Variants in FGGY observed in about 807,000 individuals in gnomAD.
FGGY encodes FGGY carbohydrate kinase domain containing.
A neutral mutation model predicts 71.3 loss-of-function variants in FGGY; 72 were observed. That is an observed-to-expected ratio of 1.01 (90% confidence interval 0.84 to 1.23). FGGY has a LOEUF of 1.23. Ranked by LOEUF, FGGY falls within the 50% of genes most tolerant of loss-of-function variation. The pLI, the probability that FGGY is intolerant of heterozygous loss-of-function variation, is 0.00. For synonymous variants in FGGY, 251 were observed against 250.3 expected (o/e 1.00, Z -0.02); for missense variants, 668 against 682.3 (o/e 0.98, Z 0.23).
intron 14 of FGGY, among the ~76,000 whole-genome samples, chr1:59,702,745 T>A (rs2097719806): frequency 6.6e-6 from 1 of 152,178 alleles, no homozygotes; most frequent in African/African-American, 2.4e-5. Context: ...TGTCTAAATT[T>A]AGTCTCTATC....
chr1:59,694,642 G>GA (rs1205128569), intron 14 of FGGY, among the ~76,000 whole-genome samples: 1 of 151,192 alleles, frequency 6.6e-6, no homozygotes, highest in African/African-American at 2.4e-5. Context: ...AGTATTTCTG[G>GA]AAAAAATTAG....
Position 59,339,992 on chromosome 1 carries a change from G to A in FGGY, c.236G>A (p.Arg79Gln), listed in dbSNP as rs758298995. 1.1e-5 allele frequency: 17 copies of A among 1,612,900 alleles called. No homozygotes were observed. The highest frequency in any genetic ancestry group is 6.7e-5 in the African/African-American group (5 of 74,824). ...VVQGIDLNQI[R>Q]GLGFDATCSL... is the part of the protein sequence containing the mutation. ...CAAGGGATTGATTTAAACCAAATTC[G>A]AGGACTTGGGTTTGATGCCACGTGT... Residue 79 changes from arginine to glutamine, a missense_variant, in exon 3 of 16, where the codon CGA becomes CAA. Transcript: ENST00000303721.
At chr1:59,431,006 C>T (rs1305597760) in intron 5 of FGGY, among the ~76,000 whole-genome samples, 1 of 152,130 alleles carries the variant, frequency 6.6e-6, no homozygotes, top group African/African-American at 2.4e-5. Context: ...TGATGGCATG[C>T]CTTCCATATC....
chr1:59,523,998 G>A (rs1026003868), intron 7 of FGGY, among the ~76,000 whole-genome samples: 1 of 152,232 alleles, frequency 6.6e-6, no homozygotes, highest in African/African-American at 2.4e-5. Flanking sequence ...ATGCTCCCAG[G>A]CACATCTGCA....
At chr1:59,580,726 C>T (rs1190055551) in intron 8 of FGGY, among the ~76,000 whole-genome samples, 1 of 152,100 alleles carries the variant, frequency 6.6e-6, no homozygotes, top group Non-Finnish European at 1.5e-5. Flanking sequence ...TTTTCAATCC[C>T]TCTATTCTAC....
At position 59,667,465 on chromosome 1, in the gene FGGY, A is replaced by G. The variant is rs776909704; in HGVS notation, c.1417+62A>G. ...GCTTGGCAGCAAATGGGCATGGCCA[A>G]GTTCTGGGTGAAGTGAGAATAGGAG... On this transcript the variant is annotated intron_variant, in intron 13 of 15. Coordinates refer to ENST00000303721, the MANE Select transcript of FGGY (RefSeq NM_018291.5). 183 of 1,590,042 alleles carry G rather than the reference A, an allele frequency of 1.2e-4. 1 individual carries two copies. Among genetic ancestry groups the G allele is most frequent in the Admixed American group, 9.5e-4 (55 of 57,660 alleles).
chr1:59,655,617 T>C (rs1025652674), intron 11 of FGGY, among the ~76,000 whole-genome samples: 1 of 152,214 alleles, frequency 6.6e-6, no homozygotes, highest in African/African-American at 2.4e-5. Context: ...ATTCTTTTTT[T>C]ATGGCTGTGT....
At chr1:59,585,639 G>A (rs2153768612) in intron 8 of FGGY, among the ~76,000 whole-genome samples, 1 of 152,238 alleles carries the variant, frequency 6.6e-6, no homozygotes, top group South Asian at 2.1e-4. Flanking sequence ...AACACCAAAA[G>A]CAATGGCAAC....
intron 2 of FGGY, among the ~76,000 whole-genome samples, chr1:59,329,672 A>G (rs944169264): frequency 1.3e-5 from 2 of 152,168 alleles, no homozygotes; most frequent in African/African-American, 2.4e-5. Flanking sequence ...AAGAATTGTT[A>G]CCCAGATTCT....
chr1:59,550,387 G>A (rs1044624727), intron 7 of FGGY, among the ~76,000 whole-genome samples: 1 of 151,326 alleles, frequency 6.6e-6, no homozygotes. Flanking sequence ...TGTGGCCAAA[G>A]GAAAAATAAG....
intron 8 of FGGY, 105 bp downstream of exon 8, chr1:59,554,332 C>T: frequency 1.3e-6 from 1 of 759,108 alleles, no homozygotes; most frequent in South Asian, 2.2e-5. Flanking sequence ...TTCCTCTTTT[C>T]CCTGCCTGCC....
At chr1:59,480,038 A>G (rs905940407) in intron 6 of FGGY, among the ~76,000 whole-genome samples, 1 of 152,140 alleles carries the variant, frequency 6.6e-6, no homozygotes, top group Admixed American at 6.6e-5. Context: ...TCAAAATGCT[A>G]CCTAGCCTGT....
intron 4 of FGGY, among the ~76,000 whole-genome samples, chr1:59,355,893 A>G (rs1205628336): frequency 6.6e-6 from 1 of 152,086 alleles, no homozygotes; most frequent in Non-Finnish European, 1.5e-5. Context: ...GTCCCCAATC[A>G]GGTTTAGTTT....
At chr1:59,565,487 C>T (rs555889886) in intron 8 of FGGY, among the ~76,000 whole-genome samples, 37 of 152,188 alleles carry the variant, frequency 2.4e-4, no homozygotes, top group African/African-American at 7.9e-4. Context: ...GGTTTCACCG[C>T]GTTAGCCAGG....
intron 11 of FGGY, among the ~76,000 whole-genome samples, chr1:59,659,141 G>T (rs2097251164): frequency 6.6e-6 from 1 of 152,180 alleles, no homozygotes; most frequent in Non-Finnish European, 1.5e-5. Context: ...GGTGGAGGTT[G>T]CAGTGAGCCA....
intron 9 of FGGY, among the ~76,000 whole-genome samples, chr1:59,623,318 C>T (rs905625656): frequency 6.6e-6 from 1 of 152,176 alleles, no homozygotes; most frequent in Admixed American, 6.5e-5. Context: ...ACATTCAAGA[C>T]ACACTGTCTG....
rs76013918 is a variant in FGGY, at chr1:59,596,756, G to A, written c.904-11047G>A. On this transcript the variant is annotated intron_variant, in intron 8 of 15. Transcript: ENST00000303721. ...GGCCTAGTCCAGACCTGGCAGGAAA[G>A]AGGCTGTGAGCAGTTCTGCCTGCCG... 2.1e-4 allele frequency among the ~76,000 whole-genome samples: 32 copies of A among 152,314 alleles called. No homozygotes were observed. In the East Asian group the frequency reaches 3.9e-3, roughly 18 times the overall value.
intron 8 of FGGY, among the ~76,000 whole-genome samples, chr1:59,561,076 T>C (rs2095785897): frequency 6.6e-6 from 1 of 152,230 alleles, no homozygotes; most frequent in Admixed American, 6.5e-5. Flanking sequence ...TCATGTATTA[T>C]GAACTGATGG....
intron 10 of FGGY, among the ~76,000 whole-genome samples, chr1:59,635,549 C>CAA (rs34529086): frequency 1.7e-4 from 22 of 131,130 alleles, no homozygotes; most frequent in African/African-American, 5.8e-4. Context: ...CATGCGTTTC[C>CAA]AAAAAAAAAA....
Sources: gnomAD v4.1 joint callset for allele counts (sites outside exome capture counted in the v4.1 genomes callset) on GRCh38, gnomAD v4.1.1 for gene constraint, MANE v1.5 for transcripts, NCBI Gene and HGNC (gene_info 2026-07-23, HGNC 2026-07-21) for gene names.